The following ABTB3 variants were observed in gnomAD, a reference collection of about 807,000 sequenced individuals.
The protein encoded by ABTB3 is ankyrin repeat- and BTB/POZ domain-containing protein 3.
the ABTB3 span, among the ~76,000 whole-genome samples, chr12:107,489,597 G>A: frequency 1.3e-5 from 2 of 152,074 alleles, no homozygotes; most frequent in Non-Finnish European, 2.9e-5. Flanking sequence ...CAGGGATCTA[G>A]CTATCAGAAT....
At chr12:107,576,397 G>A in the ABTB3 span, among the ~76,000 whole-genome samples, 1 of 152,212 alleles carries the variant, frequency 6.6e-6, no homozygotes, top group Non-Finnish European at 1.5e-5. Flanking sequence ...GCTGCTGGCA[G>A]GGTTGTCTTC....
the ABTB3 span, among the ~76,000 whole-genome samples, chr12:107,601,173 AG>A: frequency 6.6e-6 from 1 of 152,228 alleles, no homozygotes; most frequent in Admixed American, 6.5e-5. Flanking sequence ...TGTTTTGCAG[AG>A]GGGGAGACTG....
chr12:107,657,828 G>A, the ABTB3 span: 1 of 1,117,782 alleles, frequency 8.9e-7, no homozygotes, highest in Non-Finnish European at 1.3e-6. Flanking sequence ...GCTGGGCCAA[G>A]GAGCTGCCTC....
the ABTB3 span, among the ~76,000 whole-genome samples, chr12:107,335,286 CAAAAAAAAAAAAAAAAAAAAAAAAAAAA>C: frequency 3.8e-4 from 7 of 18,628 alleles, no homozygotes; most frequent in East Asian, 0.01. Flanking sequence ...GACCTTGTCT[CAAAAAAAAAAAAAAAAAAAAAAAAAAAA>C]AAAAAAAAAA....
chr12:107,355,461 T>C, the ABTB3 span, among the ~76,000 whole-genome samples: 1 of 152,236 alleles, frequency 6.6e-6, no homozygotes, highest in African/African-American at 2.4e-5. Flanking sequence ...CTTGGACGGA[T>C]AAACAAAGTC....
the ABTB3 span, among the ~76,000 whole-genome samples, chr12:107,556,913 G>A: frequency 1.3e-5 from 2 of 152,048 alleles, no homozygotes; most frequent in South Asian, 4.2e-4. Flanking sequence ...TCGGGAGGCT[G>A]AGGCAGGAGA....
At chr12:107,413,041 G>A in the ABTB3 span, among the ~76,000 whole-genome samples, 8 of 152,252 alleles carry the variant, frequency 5.3e-5, no homozygotes, top group East Asian at 1.5e-3. Flanking sequence ...TTGGGAGGCC[G>A]AAGTGGGCGG....
chr12:107,413,539 G>A, the ABTB3 span, among the ~76,000 whole-genome samples: 383 of 152,016 alleles, frequency 2.5e-3, 1 homozygote, highest in Middle Eastern at 0.014. Flanking sequence ...AAATGGCAAT[G>A]CTGTTTATGA....
the ABTB3 span, among the ~76,000 whole-genome samples, chr12:107,550,578 T>C: frequency 7.0e-6 from 1 of 143,750 alleles, no homozygotes; most frequent in Non-Finnish European, 1.5e-5. Flanking sequence ...TTTCTTTCTT[T>C]CTTTCTTTTT....
chr12:107,406,096 G>A, the ABTB3 span, among the ~76,000 whole-genome samples: 1 of 152,198 alleles, frequency 6.6e-6, no homozygotes. Context: ...CACTTAACCT[G>A]CCTGGGTATC....
chr12:107,620,077 G>T, the ABTB3 span: 2 of 1,614,184 alleles, frequency 1.2e-6, no homozygotes, highest in Admixed American at 3.3e-5. Context: ...TGTTAAAGGA[G>T]TTTAAGACCA....
the ABTB3 span, chr12:107,651,549 G>T: frequency 3.6e-6 from 2 of 553,202 alleles, no homozygotes; most frequent in African/African-American, 1.9e-5. Flanking sequence ...ATCATTTCCC[G>T]TCCCCTACCT....
At chr12:107,420,796 C>A in the ABTB3 span, among the ~76,000 whole-genome samples, 1 of 152,228 alleles carries the variant, frequency 6.6e-6, no homozygotes, top group Non-Finnish European at 1.5e-5. Context: ...TTTTCTGCAC[C>A]CTGGGGATTA....
At chr12:107,448,861 A>T in the ABTB3 span, among the ~76,000 whole-genome samples, 3 of 152,190 alleles carry the variant, frequency 2.0e-5, no homozygotes, top group African/African-American at 7.2e-5. Flanking sequence ...GTGAGCCACC[A>T]CACCTGGCCC....
the ABTB3 span, among the ~76,000 whole-genome samples, chr12:107,328,634 T>A: frequency 1.3e-5 from 2 of 152,240 alleles, no homozygotes; most frequent in African/African-American, 2.4e-5. Context: ...CACACTCTTC[T>A]TGTGAAATGA....
chr12:107,325,877 T>C, the ABTB3 span, among the ~76,000 whole-genome samples: 4 of 152,262 alleles, frequency 2.6e-5, no homozygotes, highest in Admixed American at 1.3e-4. Context: ...GAGCTTTATG[T>C]ATTATAATCA....
chr12:107,505,821 T>C, the ABTB3 span, among the ~76,000 whole-genome samples: 2 of 152,226 alleles, frequency 1.3e-5, no homozygotes, highest in African/African-American at 2.4e-5. Flanking sequence ...TTAAGGATAA[T>C]GGCCTCCAGC....
the ABTB3 span, among the ~76,000 whole-genome samples, chr12:107,582,406 A>G: frequency 6.6e-6 from 1 of 152,186 alleles, no homozygotes; most frequent in Non-Finnish European, 1.5e-5. Context: ...TAGAGTCAGG[A>G]TATGAATTCA....
the ABTB3 span, among the ~76,000 whole-genome samples, chr12:107,526,740 C>T: frequency 3.3e-5 from 5 of 152,234 alleles, no homozygotes; most frequent in African/African-American, 9.6e-5. Flanking sequence ...AAAACAGGAC[C>T]ATTAATTTAC....
Sources: gnomAD v4.1 joint callset for allele counts (sites outside exome capture counted in the v4.1 genomes callset) on GRCh38, gnomAD v4.1.1 for gene constraint, MANE v1.5 for transcripts, NCBI Gene and HGNC (gene_info 2026-07-23, HGNC 2026-07-21) for gene names.